Variants in ERN2 observed in about 807,000 individuals in gnomAD.
ERN2 encodes the protein endoplasmic reticulum to nucleus signaling 2.
A neutral mutation model predicts 107.9 loss-of-function variants in ERN2; 111 were observed. That is an observed-to-expected ratio of 1.03 (90% confidence interval 0.88 to 1.20). The LOEUF (loss-of-function observed/expected upper bound fraction) is 1.20. Among genes scored for constraint, ERN2 ranks in the 50% most tolerant of loss-of-function variants. The pLI is 0.00. For synonymous variants in ERN2, 524 were observed against 501.7 expected (o/e 1.04, Z -0.59); for missense variants, 1,225 against 1,197.9 (o/e 1.02, Z -0.33).
At position 23,692,018 on chromosome 16, in the gene ERN2, T is replaced by G. The variant is rs35658446; in HGVS notation, c.2321A>C (p.Gln774Pro). ...CCAAAAGAAGGGGTGGGCCAGCACC[T>G]GGGGGGCAGAGGGGCGTGGCTGCGG... Reference protein sequence around the residue: ...PLPQPRPSAPQVLAHPFFWSR... With the variant: ...PLPQPRPSAPPVLAHPFFWSR... The change falls in exon 19 of 22, where the codon CAG becomes CCG. Residue 774 changes from glutamine (Q) to proline (P), a missense_variant. Physicochemically the swap from Gln to Pro is moderately conservative, Grantham distance 76. Transcript: ENST00000256797. 5.6e-6 allele frequency: 9 copies of G among 1,613,638 alleles called. No individual in the cohort carries two copies. The highest frequency in any genetic ancestry group is 5.3e-5 in the African/African-American group (4 of 74,894).
chr16:23,709,617 C>T (rs1485069580), intron 4 of ERN2: 1 of 182,774 alleles, frequency 5.5e-6, no homozygotes, highest in Non-Finnish European at 1.2e-5. Context: ...ATCATGTGAA[C>T]AAGCCTAGGC....
rs1257285244 is a variant in ERN2 at position 23,710,690 on chromosome 16, C to G, written c.200-141G>C. On this transcript the variant is annotated intron_variant, in intron 2 of 21. Coordinates refer to ENST00000256797, the MANE Select transcript of ERN2 (RefSeq NM_033266.4). ...AATGCCATCTTCCCAAAAACTCTGT[C>G]AGATAGGGTCATATCCTTTGCCCCA... 2.9e-6 allele frequency: 3 copies of G among 1,024,640 alleles called. No individual in the cohort carries two copies. In the African/African-American group the frequency reaches 4.7e-5, roughly 16 times the overall value. The allele number at this position is 1,024,640 out of a possible 1,614,324, so 63.5% of individuals were successfully genotyped here. A position where few individuals can be genotyped will look rare whatever the true frequency, so the allele number is the denominator to read the frequency against.
At chr16:23,695,722 CAAAAAAAAAAAAAAAA>C (rs57103138) in intron 14 of ERN2, among the ~76,000 whole-genome samples, 156 bp downstream of exon 14, 1 of 37,388 alleles carries the variant, frequency 2.7e-5, no homozygotes, top group African/African-American at 9.6e-5. Flanking sequence ...GAGCAAGACT[CAAAAAAAAAAAAAAAA>C]AAAAAAAAAC....
intron 17 of ERN2, among the ~76,000 whole-genome samples, chr16:23,694,007 G>GT (rs1010673665): frequency 8.5e-5 from 13 of 152,140 alleles, no homozygotes; most frequent in African/African-American, 2.7e-4. Flanking sequence ...TTTGTTTTTT[G>GT]TTTTTTGAGA....
At position 23,693,605 on chromosome 16, in the gene ERN2, T is replaced by TATAA. The variant is rs1164542610; in HGVS notation, c.2100+1122_2100+1123insTTAT. Among the ~76,000 whole-genome samples the TATAA allele has an allele frequency of 8.6e-5, 13 of 150,746 alleles. 1 individual carries two copies. The highest frequency in any genetic ancestry group is 2.9e-4 in the African/African-American group (12 of 40,930). Reference sequence around the variant, plus strand: ...ACTCCATCTCAAAAAAAAAAAAATATATATATATATAGGCCACTAATTTAA... The same window carrying TATAA: ...ACTCCATCTCAAAAAAAAAAAAATATATAAATATATATATAGGCCACTAATTTAA... On this transcript the variant is annotated intron_variant, in intron 17 of 21. Transcript: ENST00000256797.
intron 13 of ERN2, among the ~76,000 whole-genome samples, chr16:23,696,267 T>A (rs1567245739): frequency 6.6e-6 from 1 of 152,234 alleles, no homozygotes; most frequent in Non-Finnish European, 1.5e-5. Context: ...TTGTGAGGAT[T>A]AAATGGATAT....
At position 23,691,979 on chromosome 16, in the gene ERN2, T is replaced by TG; in HGVS notation, c.2359dup (p.Gln787ProfsTer10). 6.2e-7 allele frequency: 1 copy of TG among 1,612,824 alleles called. No homozygotes were observed. The highest frequency in any genetic ancestry group is 8.5e-7 in the Non-Finnish European group (1 of 1,179,640). On this transcript the variant is annotated frameshift_variant, in exon 19 of 22. Coordinates refer to ENST00000256797, the MANE Select transcript of ERN2 (RefSeq NM_033266.4). LOFTEE classifies it high-confidence loss of function. The stretch of plus-strand genomic sequence containing the variant: ...CCTTCTGACCTGGAAGAACTGGAGT[T>TG]GCTTGGCTCTGCTCCAAAAGAAGGG...
rs534238907 is a variant in ERN2, at chr16:23,692,184, C to T, written c.2248G>A (p.Asp750Asn). Residue 750 changes from aspartate (D) to asparagine (N), a missense_variant and splice_region_variant, in exon 18 of 22, where the codon GAC becomes AAC. By Grantham distance (23) the Asp-to-Asn change is conservative. Coordinates refer to ENST00000256797, the MANE Select transcript of ERN2 (RefSeq NM_033266.4). Reference sequence around the variant, plus strand: ...TCTGCCCTGCCCAGGGCTCCCTCACCGTGGACCTCTTCCTCCAGGTGAGCC... The same window carrying T: ...TCTGCCCTGCCCAGGGCTCCCTCACTGTGGACCTCTTCCTCCAGGTGAGCC... The part of the protein sequence containing the change: ...CLAHLEEEVH[D>N]KVVARDLVGA... 1.0e-4 allele frequency: 166 copies of T among 1,614,098 alleles called. No individual in the cohort carries two copies. The highest frequency in any genetic ancestry group is 1.6e-4 in the Middle Eastern group (1 of 6,062).
Position 23,702,526 on chromosome 16 carries a change from C to T in ERN2, c.945G>A (p.Leu315=). ...TGGGGCCATCTGCGGGGGCCAGGGT[C>T]AGTCCACGAGGCTATGGCAGAAGAT... ...HTGVALVPRG[L]TLAPADGPTT... Residue 315 remains leucine, a synonymous_variant, in exon 10 of 22, where the codon CTG becomes CTA. Coordinates refer to ENST00000256797, the MANE Select transcript of ERN2 (RefSeq NM_033266.4). 1 of 1,614,062 alleles carries T rather than the reference C, an allele frequency of 6.2e-7. No individual in the cohort carries two copies. The highest frequency in any genetic ancestry group is 8.5e-7 in the Non-Finnish European group (1 of 1,180,014).
intron 11 of ERN2, among the ~76,000 whole-genome samples, chr16:23,701,370 A>G (rs1043022862): frequency 6.6e-6 from 1 of 152,226 alleles, no homozygotes; most frequent in African/African-American, 2.4e-5. Flanking sequence ...CACTAAAAAT[A>G]TAGATGTCCA....
chr16:23,706,198 A>G lies in ERN2; in HGVS notation c.589+132T>C, dbSNP rs1960299600. 10 of 617,672 alleles carry G rather than the reference A, an allele frequency of 1.6e-5. No homozygotes were observed. The South Asian group carries it at 1.7e-4, about 10-fold the overall frequency. 38.3% of individuals were successfully genotyped at this position (617,672 alleles called of 1,614,324 possible). On this transcript the variant is annotated intron_variant, in intron 7 of 21. Transcript: ENST00000256797. Reference sequence around the variant, plus strand: ...TGGGGTCAGCCATCAGGGGTGTGCCATTTAGTATATGGGGTCCCTGGGGAG... The same window carrying G: ...TGGGGTCAGCCATCAGGGGTGTGCCGTTTAGTATATGGGGTCCCTGGGGAG...
intron 19 of ERN2, 59 bp from the exon 20 acceptor site, chr16:23,691,484 G>A (rs1452702196): frequency 1.3e-6 from 2 of 1,570,334 alleles, no homozygotes; most frequent in Non-Finnish European, 1.7e-6. Context: ...ATAGCCAGGA[G>A]TGTGTTGTCT....
At position 23,706,748 on chromosome 16, in the gene ERN2, A is replaced by T. The variant is rs772002868; in HGVS notation, c.487+6T>A. The T allele has an allele frequency of 1.9e-6, 3 of 1,590,146 alleles. No homozygotes were observed. The highest frequency in any genetic ancestry group is 2.6e-6 in the Non-Finnish European group (3 of 1,162,510). ...GAGCTTGAGGAACAGCTGGGGCCCA[A>T]CTCACGTGTTCGGCCAATGTAGAGG... On this transcript the variant is annotated splice_donor_region_variant and intron_variant, in intron 6 of 21. Transcript: ENST00000256797.
At chr16:23,692,788 G>C (rs186446529) in intron 17 of ERN2, among the ~76,000 whole-genome samples, 1 of 151,586 alleles carries the variant, frequency 6.6e-6, no homozygotes, top group Non-Finnish European at 1.5e-5. Flanking sequence ...GTGCAGTGGC[G>C]CAACCACAGC....
chr16:23,701,989 C>CAAA (rs1169571268), intron 11 of ERN2, among the ~76,000 whole-genome samples, 163 bp downstream of exon 11: 6 of 91,872 alleles, frequency 6.5e-5, no homozygotes, highest in Non-Finnish European at 1.7e-4. Flanking sequence ...ACAACAACAA[C>CAAA]AACAAGTTGT....
At chr16:23,695,478 C>G in intron 14 of ERN2, 89 bp from the exon 15 acceptor site, 1 of 1,353,474 alleles carries the variant, frequency 7.4e-7, no homozygotes, top group South Asian at 1.4e-5. Flanking sequence ...GTAATCCTAG[C>G]ACTTTGGGAG....
In ERN2 at chr16:23,692,340, A is replaced by G. The variant is rs201838801; in HGVS notation, c.2101-9T>C. 3 of 1,611,294 alleles carry G rather than the reference A, an allele frequency of 1.9e-6. No homozygotes were observed. The highest frequency in any genetic ancestry group is 2.5e-6 in the Non-Finnish European group (3 of 1,179,982). ...ATGTCCACAGCGCTGGTCTGGAGCC[A>G]GAGAGATGGGCATGAGAAGGAAATC... is the stretch of plus-strand genomic sequence containing the variant. On this transcript the variant is annotated splice_polypyrimidine_tract_variant and intron_variant, in intron 17 of 21. Transcript: ENST00000256797.
At chr16:23,696,843 G>A (rs952761682) in intron 13 of ERN2, 1 of 152,110 alleles carries the variant, frequency 6.6e-6, no homozygotes, top group Non-Finnish European at 1.5e-5. Flanking sequence ...TACTTTATAA[G>A]AGTTTTTAGC....
chr16:23,709,084 C>T (rs1960439308), intron 4 of ERN2: 4 of 432,656 alleles, frequency 9.2e-6, no homozygotes, highest in Non-Finnish European at 1.8e-5. Flanking sequence ...ACTTCACCTT[C>T]CTAAATCATA....
Sources: gnomAD v4.1 joint callset for allele counts (sites outside exome capture counted in the v4.1 genomes callset) on GRCh38, gnomAD v4.1.1 for gene constraint, MANE v1.5 for transcripts, NCBI Gene and HGNC (gene_info 2026-07-23, HGNC 2026-07-21) for gene names.